ACBD6: variants seen among roughly 807,000 people sequenced by gnomAD.
ACBD6 encodes the protein acyl-CoA binding domain containing 6.
Under a neutral mutation model 37.2 loss-of-function variants are expected in ACBD6, and 28 were observed. The ratio of observed to expected loss-of-function variants is 0.75; its 90% CI spans 0.56 to 1.03. The LOEUF is 1.03. Ranked by LOEUF, ACBD6 falls within the 50% of genes least tolerant of loss-of-function variation. The pLI is 0.00. For missense variants in ACBD6, 340 were observed against 337.4 expected, an observed-to-expected ratio of 1.01 and a Z score of -0.06; for synonymous variants, 113 against 126.8, an observed-to-expected ratio of 0.89 and a Z score of 0.73.
At chr1:180,490,208 C>T (rs1651439239) in intron 3 of ACBD6, among the ~76,000 whole-genome samples, 1 of 152,194 alleles carries the variant, frequency 6.6e-6, no homozygotes, top group African/African-American at 2.4e-5. Context: ...GTTGTTCAGG[C>T]TGAGTTCAGC....
chr1:180,289,702 G>C (rs185359727), intron 7 of ACBD6, among the ~76,000 whole-genome samples: 2 of 152,268 alleles, frequency 1.3e-5, no homozygotes, highest in East Asian at 3.9e-4. Context: ...ATAAAGTATT[G>C]ATCACTTGTA....
chr1:180,318,272 T>C (rs2149293120), intron 6 of ACBD6, among the ~76,000 whole-genome samples: 1 of 152,084 alleles, frequency 6.6e-6, no homozygotes, highest in South Asian at 2.1e-4. Flanking sequence ...CCTCAACATT[T>C]TAAAGATAAA....
chr1:180,467,771 T>C (rs574533386), intron 3 of ACBD6, among the ~76,000 whole-genome samples: 29 of 152,328 alleles, frequency 1.9e-4, no homozygotes, highest in African/African-American at 6.5e-4. Context: ...TATTGCTGGA[T>C]AGTATTTCAC....
intron 9 of ACBD6, among the ~76,000 whole-genome samples, chr1:180,281,037 T>C (rs1195699075): frequency 6.6e-6 from 1 of 152,228 alleles, no homozygotes; most frequent in Non-Finnish European, 1.5e-5. Context: ...GCAGGTTCAT[T>C]GGACCGCTTC....
At chr1:180,358,427 A>T (rs1235346927) in intron 6 of ACBD6, among the ~76,000 whole-genome samples, 2 of 47,892 alleles carry the variant, frequency 4.2e-5, no homozygotes, top group Non-Finnish European at 8.0e-5. Flanking sequence ...ACTCCGTCTC[A>T]AAAACAACAA....
chr1:180,405,889 T>C (rs1398615084), intron 5 of ACBD6, among the ~76,000 whole-genome samples: 1 of 152,134 alleles, frequency 6.6e-6, no homozygotes, highest in African/African-American at 2.4e-5. Flanking sequence ...AGGATAAAAA[T>C]TGAACCGCCA....
At chr1:180,318,223 C>T (rs1472590551) in intron 6 of ACBD6, among the ~76,000 whole-genome samples, 1 of 149,946 alleles carries the variant, frequency 6.7e-6, no homozygotes, top group Non-Finnish European at 1.5e-5. Flanking sequence ...TCTGGACTCC[C>T]ATAGCTGTGA....
intron 6 of ACBD6, 64 bp from the exon 7 acceptor site, chr1:180,314,786 A>C: frequency 8.1e-7 from 1 of 1,238,538 alleles, no homozygotes; most frequent in Non-Finnish European, 1.2e-6. Context: ...GAAAGTACAT[A>C]AACTGTAGCA....
At chr1:180,350,454 A>C (rs1207390929) in intron 6 of ACBD6, among the ~76,000 whole-genome samples, 1 of 152,138 alleles carries the variant, frequency 6.6e-6, no homozygotes, top group African/African-American at 2.4e-5. Flanking sequence ...ATCCTTGGTC[A>C]ATTCAACATC....
chr1:180,498,270 G>A (rs1651810867), intron 1 of ACBD6, among the ~76,000 whole-genome samples: 1 of 152,190 alleles, frequency 6.6e-6, no homozygotes, highest in Admixed American at 6.5e-5. Context: ...AGGTTCAAAT[G>A]TTATTACTGG....
At chr1:180,278,822 AAAAAAAAG>A (rs962877289) in intron 9 of ACBD6, 5 of 149,662 alleles carry the variant, frequency 3.3e-5, no homozygotes, top group South Asian at 2.1e-4. Flanking sequence ...TTTCCTGGGG[AAAAAAAAG>A]AAAAAAAGAA....
chr1:180,355,019 G>A (rs1323285228), intron 6 of ACBD6, among the ~76,000 whole-genome samples: 1 of 152,134 alleles, frequency 6.6e-6, no homozygotes, highest in African/African-American at 2.4e-5. Flanking sequence ...TCTGCATGCT[G>A]TATACTGTCA....
intron 4 of ACBD6, among the ~76,000 whole-genome samples, chr1:180,425,040 G>A (rs1648528816): frequency 6.6e-6 from 1 of 152,130 alleles, no homozygotes; most frequent in African/African-American, 2.4e-5. Context: ...CATTCCTGAG[G>A]TTCTCATGGG....
chr1:180,402,647 G>A (rs886969190), intron 5 of ACBD6, among the ~76,000 whole-genome samples: 1 of 152,014 alleles, frequency 6.6e-6, no homozygotes, highest in African/African-American at 2.4e-5. Context: ...ACAAAAATTA[G>A]CTGGACATGG....
At chr1:180,329,940 T>C (rs1205076649) in intron 6 of ACBD6, among the ~76,000 whole-genome samples, 1 of 152,212 alleles carries the variant, frequency 6.6e-6, no homozygotes, top group Non-Finnish European at 1.5e-5. Flanking sequence ...TGTTAATCAA[T>C]AGTTACAAGA....
At chr1:180,375,163 GAA>G (rs1653388285) in intron 6 of ACBD6, among the ~76,000 whole-genome samples, 1 of 152,092 alleles carries the variant, frequency 6.6e-6, no homozygotes, top group South Asian at 2.1e-4. Flanking sequence ...GAAAAACTAT[GAA>G]AGAGAAATAC....
intron 6 of ACBD6, among the ~76,000 whole-genome samples, chr1:180,359,630 T>C (rs1373628120): frequency 6.6e-6 from 1 of 152,198 alleles, no homozygotes; most frequent in African/African-American, 2.4e-5. Flanking sequence ...CATGTACTCA[T>C]CATCATATGT....
chr1:180,364,485 A>G (rs373899501), intron 6 of ACBD6, among the ~76,000 whole-genome samples: 13 of 152,212 alleles, frequency 8.5e-5, no homozygotes, highest in South Asian at 8.3e-4. Flanking sequence ...AAGGGAGGAG[A>G]TACAACTTTT....
Position 180,413,430 on chromosome 1 carries a change from T to G in ACBD6, c.509A>C (p.Asn170Thr). The change falls in exon 5 of 8, where the codon AAC (asparagine) becomes ACC (threonine). Residue 170 changes from asparagine (N) to threonine (T), a missense_variant. By Grantham distance (65) the Asn-to-Thr change is moderately conservative (BLOSUM62 0). Coordinates refer to ENST00000367595, the MANE Select transcript of ACBD6 (RefSeq NM_032360.4). The part of the protein sequence containing the change: ...KNIFDYCREN[N>T]IDHITKAIKS... ...GATGGCTTTGGTTATATGGTCAATG[T>G]TGTTTTCCCTGCAGTAATCAAATAT... 6.2e-7 allele frequency: 1 copy of G among 1,613,420 alleles called. No homozygotes were observed. The highest frequency in any genetic ancestry group is 8.5e-7 in the Non-Finnish European group (1 of 1,179,862).
Sources: allele counts gnomAD v4.1 joint callset (sites outside exome capture counted in the v4.1 genomes callset), GRCh38; gene constraint gnomAD v4.1.1; transcripts MANE v1.5; gene names NCBI Gene and HGNC (gene_info 2026-07-23, HGNC 2026-07-21).